Variants in TRIM37 observed in about 807,000 individuals in gnomAD.
TRIM37 encodes tripartite motif containing 37.
Under a neutral mutation model 129.8 loss-of-function variants are expected in TRIM37, and 80 were observed. The observed-to-expected ratio is 0.62, with a 90% CI of 0.51 to 0.74. The LOEUF (loss-of-function observed/expected upper bound fraction) is 0.74, where lower values mean the gene tolerates loss of function less well. Among genes scored for constraint, TRIM37 ranks in the 30% least tolerant of loss-of-function variants. The pLI is 0.00. For missense variants in TRIM37, 1,054 were observed against 1,176.5 expected (o/e 0.90, Z 1.52); for synonymous variants, 389 against 387.1 (o/e 1.00, Z -0.06).
chr17:59,092,572 G>C (rs1048541053), intron 2 of TRIM37, among the ~76,000 whole-genome samples: 1 of 151,938 alleles, frequency 6.6e-6, no homozygotes, highest in Non-Finnish European at 1.5e-5. Flanking sequence ...CACATATAAA[G>C]GAGATGTTAA....
At chr17:59,087,287 G>C (rs74432832) in intron 4 of TRIM37, among the ~76,000 whole-genome samples, 6 of 151,946 alleles carry the variant, frequency 3.9e-5, no homozygotes, top group East Asian at 1.9e-4. Context: ...GTAGAGACAG[G>C]GTTCTCCATG....
intron 2 of TRIM37, among the ~76,000 whole-genome samples, chr17:59,102,010 A>G (rs551494339): frequency 1.2e-3 from 187 of 152,214 alleles, no homozygotes; most frequent in Non-Finnish European, 2.0e-3. Context: ...CTAGCAGAAC[A>G]GAACAAAAAG....
chr17:59,021,324 G>C (rs1411164992), intron 19 of TRIM37, among the ~76,000 whole-genome samples: 4 of 152,164 alleles, frequency 2.6e-5, no homozygotes, highest in African/African-American at 9.7e-5. Flanking sequence ...GAATCCAGGA[G>C]GCAGAGGTTG....
Position 59,028,528 on chromosome 17 carries a change from G to T in TRIM37, c.2144C>A (p.Ser715Tyr). 3.7e-6 allele frequency: 6 copies of T among 1,614,158 alleles called. No individual in the cohort carries two copies. Among genetic ancestry groups the T allele is most frequent in the Middle Eastern group, 1.6e-4 (1 of 6,062 alleles). Residue 715 changes from serine to tyrosine, a missense_variant, in exon 19 of 24, where the codon TCT (serine) becomes TAT (tyrosine). By Grantham distance (144) the Ser-to-Tyr change is moderately radical (BLOSUM62 -2). Coordinates refer to ENST00000262294, the MANE Select transcript of TRIM37 (RefSeq NM_015294.6). ...TGCAGCCAGAGCTGCCTGGTCAGCA[G>T]AAAAAAGGCTTGTCTGCATGTCTCC... Reference protein sequence around the residue: ...ASGDMQTSLFSADQAALAACG... With the variant: ...ASGDMQTSLFYADQAALAACG...
At chr17:59,056,795 A>G in intron 13 of TRIM37, 80 bp downstream of exon 13, 1 of 1,087,886 alleles carries the variant, frequency 9.2e-7, no homozygotes, top group Non-Finnish European at 1.3e-6. Flanking sequence ...ATCTTTGTTA[A>G]CCAAATGATC....
chr17:59,007,231 C>CCACACACACA lies in TRIM37; in HGVS notation c.2695+5087_2695+5096dup, dbSNP rs35675752. Among the ~76,000 whole-genome samples the CCACACACACA allele has an allele frequency of 2.1e-4, 20 of 97,546 alleles. 1 individual carries two copies. Among genetic ancestry groups the CCACACACACA allele is most frequent in the African/African-American group, 8.2e-4 (20 of 24,294 alleles). The allele number at this position is 97,546 out of a possible 152,430, so 64.0% of individuals were successfully genotyped here. ...CTAAAACCACCCCACCCCCACCCAC[C>CCACACACACA]CACACACACACACACGTTCCTGATG... On this transcript the variant is annotated intron_variant, in intron 22 of 23. Coordinates refer to ENST00000262294, the MANE Select transcript of TRIM37 (RefSeq NM_015294.6).
intron 24 of TRIM37, among the ~76,000 whole-genome samples, chr17:58,986,009 AG>A (rs2031771893): frequency 6.6e-6 from 1 of 152,246 alleles, no homozygotes; most frequent in Non-Finnish European, 1.5e-5. Context: ...TTAGATCAAA[AG>A]GAACACCTCT....
chr17:59,044,877 A>C (rs932108017), intron 16 of TRIM37, among the ~76,000 whole-genome samples: 4 of 152,172 alleles, frequency 2.6e-5, no homozygotes, highest in African/African-American at 9.7e-5. Context: ...ACATATAAAA[A>C]GAATCATGAG....
Position 59,001,719 on chromosome 17 carries a change from CAGGA to C in TRIM37, c.2696-9_2696-6del, listed in dbSNP as rs778851852. On this transcript the variant is annotated splice_region_variant and splice_polypyrimidine_tract_variant and intron_variant, in intron 22 of 23. Coordinates refer to ENST00000262294, the MANE Select transcript of TRIM37 (RefSeq NM_015294.6). The stretch of plus-strand genomic sequence containing the variant: ...TGTCACTGTCGCTACTCATTCCTGG[CAGGA>C]AGGAAGGAGAACATGTTTCTGAAAA... The C allele has an allele frequency of 6.2e-7, 1 of 1,613,732 alleles. No homozygotes were observed. The highest frequency in any genetic ancestry group is 8.5e-7 in the Non-Finnish European group (1 of 1,179,938).
chr17:59,014,275 C>A (rs1334822100), intron 21 of TRIM37, among the ~76,000 whole-genome samples: 2 of 152,106 alleles, frequency 1.3e-5, no homozygotes, highest in Non-Finnish European at 2.9e-5. Flanking sequence ...GGGTGTTAAT[C>A]TTTCTCCAAT....
chr17:59,015,517 A>G, intron 21 of TRIM37, 93 bp downstream of exon 21: 3 of 1,266,308 alleles, frequency 2.4e-6, no homozygotes, highest in South Asian at 1.2e-5. Context: ...TTAACAAGGT[A>G]GAAATTAATT....
chr17:59,010,718 C>T (rs1054462081), intron 22 of TRIM37, among the ~76,000 whole-genome samples: 3 of 152,042 alleles, frequency 2.0e-5, no homozygotes, highest in Middle Eastern at 3.4e-3. Flanking sequence ...GTCTCGAACT[C>T]CTGACTTCAA....
rs1411983915 is a variant in TRIM37 at position 59,104,419 on chromosome 17, T to C, written c.22-25A>G. 2.5e-6 allele frequency: 4 copies of C among 1,602,274 alleles called. No homozygotes were observed. The East Asian group carries it at 6.7e-5, about 27-fold the overall frequency. On this transcript the variant is annotated intron_variant, in intron 1 of 23. Transcript: ENST00000262294. ...TCTGAAAACAGTAAAAGATGTAAGG[T>C]CCACCAGTTTAGGCTACTGAATCAA... is the stretch of plus-strand genomic sequence containing the variant.
intron 5 of TRIM37, 114 bp from the exon 6 acceptor site, chr17:59,081,333 C>T (rs2147057103): frequency 6.9e-7 from 1 of 1,439,574 alleles, no homozygotes; most frequent in Admixed American, 1.8e-5. Flanking sequence ...ATGAACTTTA[C>T]CTTATTAGCT....
intron 11 of TRIM37, among the ~76,000 whole-genome samples, chr17:59,062,272 A>G (rs1377595664): frequency 2.0e-5 from 3 of 152,204 alleles, no homozygotes; most frequent in Non-Finnish European, 2.9e-5. Flanking sequence ...TGAGCCAAGG[A>G]TTTTATATCC....
rs1309316513 is a variant in TRIM37 at position 59,093,585 on chromosome 17, G to A, written c.124-2245C>T. On this transcript the variant is annotated intron_variant, in intron 2 of 23. Transcript: ENST00000262294. ...CTTCCCCCTTCAGATACTTTATTAC[G>A]ACGACTTATTTGTTGGTCTCCTTTG... Among the ~76,000 whole-genome samples, 4 of 152,014 alleles carry A rather than the reference G, an allele frequency of 2.6e-5. No individual in the cohort carries two copies. The East Asian group carries it at 7.7e-4, about 29-fold the overall frequency.
At chr17:59,005,382 C>CA (rs1164868677) in intron 22 of TRIM37, among the ~76,000 whole-genome samples, 1 of 152,154 alleles carries the variant, frequency 6.6e-6, no homozygotes, top group Non-Finnish European at 1.5e-5. Flanking sequence ...CTCCCAGGTT[C>CA]AAGCAATTCT....
At chr17:59,017,566 C>T (rs2036105985) in intron 19 of TRIM37, 142 bp from the exon 20 acceptor site, 12 of 1,154,634 alleles carry the variant, frequency 1.0e-5, no homozygotes, top group Non-Finnish European at 1.3e-5. Flanking sequence ...TTCTGTAGCC[C>T]CAATTGGTTT....
intron 2 of TRIM37, among the ~76,000 whole-genome samples, chr17:59,101,731 T>C (rs1003835601): frequency 7.2e-6 from 1 of 139,692 alleles, no homozygotes; most frequent in Non-Finnish European, 1.5e-5. Context: ...CATATATACA[T>C]ATACATGTTT....
Sources: allele counts gnomAD v4.1 joint callset (sites outside exome capture counted in the v4.1 genomes callset), GRCh38; gene constraint gnomAD v4.1.1; transcripts MANE v1.5; gene names NCBI Gene and HGNC (gene_info 2026-07-23, HGNC 2026-07-21).